Variants in CFAP20DC observed in about 807,000 individuals in gnomAD.
CFAP20DC encodes the protein protein CFAP20DC.
Under a neutral mutation model 101.7 loss-of-function variants are expected in CFAP20DC, and 84 were observed. The observed-to-expected ratio is 0.83, with a 90% CI of 0.69 to 0.99. The LOEUF (loss-of-function observed/expected upper bound fraction) is 0.99, where lower values mean the gene tolerates loss of function less well. Among genes scored for constraint, CFAP20DC ranks in the 50% least tolerant of loss-of-function variants. CFAP20DC has a pLI of 0.00. For synonymous variants in CFAP20DC, 359 were observed against 351.2 expected (o/e 1.02, Z -0.25); for missense variants, 1,007 against 970.3 (o/e 1.04, Z -0.50).
chr3:58,861,896 T>C lies in CFAP20DC; in HGVS notation c.1593+1662A>G. On this transcript the variant is annotated intron_variant, in intron 12 of 16. Coordinates refer to ENST00000482387, the MANE Select transcript of CFAP20DC (RefSeq NM_001394063.1). This position sits in a 1 kb window ranked among gnomAD's most constrained non-coding sequence, Gnocchi z 4.0. ...TGATAAATTTGTTTTCAATTTTATGTAGTTGGTAACAAATACACATCTGCA... is the reference window on the plus strand; with the variant it reads ...TGATAAATTTGTTTTCAATTTTATGCAGTTGGTAACAAATACACATCTGCA... 3.0e-6 allele frequency: 3 copies of C among 985,458 alleles called. No homozygotes were observed. Among genetic ancestry groups the C allele is most frequent in the Non-Finnish European group, 3.6e-6 (3 of 829,912 alleles). The allele number at this position is 985,458 out of a possible 1,614,324, so 61.0% of individuals were successfully genotyped here.
At chr3:58,916,531 GAT>G (rs1430445393) in intron 5 of CFAP20DC, among the ~76,000 whole-genome samples, 1 of 152,144 alleles carries the variant, frequency 6.6e-6, no homozygotes, top group African/African-American at 2.4e-5. Context: ...AACACATTAA[GAT>G]GTGTGTGTAT....
Position 58,926,174 on chromosome 3 carries a change from T to C in CFAP20DC, c.393+11474A>G, listed in dbSNP as rs560733862. Among the ~76,000 whole-genome samples the C allele has an allele frequency of 9.5e-4, 145 of 152,188 alleles. 1 individual carries two copies. Among genetic ancestry groups the C allele is most frequent in the Non-Finnish European group, 1.8e-3 (125 of 67,994 alleles). ...TGAGGTCAGGAGTTAGAGACCAGCC[T>C]GCCCAACATGGTGAAACCCTGTCTC... is the stretch of plus-strand genomic sequence containing the variant. On this transcript the variant is annotated intron_variant, in intron 5 of 16. Transcript: ENST00000482387.
chr3:58,961,936 A>T (rs2091173993), intron 4 of CFAP20DC, among the ~76,000 whole-genome samples: 1 of 152,112 alleles, frequency 6.6e-6, no homozygotes, highest in Non-Finnish European at 1.5e-5. Flanking sequence ...GTTTAACAAA[A>T]GGTTTGTAAG....
At chr3:58,939,365 G>T (rs2088176930) in intron 4 of CFAP20DC, among the ~76,000 whole-genome samples, 1 of 152,182 alleles carries the variant, frequency 6.6e-6, no homozygotes. Context: ...GGAACAAAAA[G>T]AGGGACTGCA....
intron 15 of CFAP20DC, among the ~76,000 whole-genome samples, chr3:58,758,532 C>CTTAT (rs61227170): frequency 0.026 from 3,951 of 151,716 alleles, 157 homozygotes; most frequent in African/African-American, 0.083. Flanking sequence ...GACTATAATC[C>CTTAT]TTATTTATTT....
intron 13 of CFAP20DC, among the ~76,000 whole-genome samples, chr3:58,834,475 T>C (rs2076605052): frequency 6.6e-6 from 1 of 152,216 alleles, no homozygotes; most frequent in Non-Finnish European, 1.5e-5. Context: ...GATTGAGTCA[T>C]TCATTCAATT....
chr3:58,761,501 G>C (rs1362342519), intron 15 of CFAP20DC, among the ~76,000 whole-genome samples: 1 of 152,056 alleles, frequency 6.6e-6, no homozygotes, highest in Non-Finnish European at 1.5e-5. Flanking sequence ...TGGATTCATT[G>C]ATTTTTTTGA....
rs367809680 is a variant in CFAP20DC, at chr3:58,870,425, C to A, written c.716-116G>T. On this transcript the variant is annotated intron_variant, in intron 7 of 16. Transcript: ENST00000482387. ...CCATAGGATCCAAATCCCCCCTCCCCCCTCAGCATGTATTAAAAACACAGA... is the reference window on the plus strand; with the variant it reads ...CCATAGGATCCAAATCCCCCCTCCCACCTCAGCATGTATTAAAAACACAGA... The A allele has an allele frequency of 4.2e-6, 4 of 951,492 alleles. No individual in the cohort carries two copies. In the East Asian group the frequency reaches 9.8e-5, roughly 23 times the overall value. The allele number at this position is 951,492 out of a possible 1,614,324, so 58.9% of individuals were successfully genotyped here. A position where few individuals can be genotyped will look rare whatever the true frequency, so the allele number is the denominator to read the frequency against.
rs867930544 is a variant in CFAP20DC, at chr3:58,874,750, T to C, written c.716-4441A>G. ...AGGCTCTTCCATAAATTTTCCCTCA[T>C]AGAACTTGTCAGAATTGAACTTTTA... On this transcript the variant is annotated intron_variant, in intron 7 of 16. Transcript: ENST00000482387. The surrounding 1 kb of genome is among the most constrained non-coding windows in gnomAD (Gnocchi z 5.1). Among the ~76,000 whole-genome samples the C allele has an allele frequency of 6.6e-6, 1 of 152,332 alleles. No individual in the cohort carries two copies. The highest frequency in any genetic ancestry group is 1.9e-4 in the East Asian group (1 of 5,192).
At chr3:58,735,522 C>A (rs775805969) in intron 3 of CFAP20DC, among the ~76,000 whole-genome samples, 1 of 152,132 alleles carries the variant, frequency 6.6e-6, no homozygotes, top group Non-Finnish European at 1.5e-5. Context: ...TCTGGCACCA[C>A]AGGAAGTGAA....
chr3:58,760,570 T>G (rs545427444), intron 15 of CFAP20DC, among the ~76,000 whole-genome samples: 1 of 152,280 alleles, frequency 6.6e-6, no homozygotes, highest in Non-Finnish European at 1.5e-5. Context: ...TCCAACACTA[T>G]GTTGAATAGG....
At chr3:59,030,834 T>C (rs540765688) in intron 4 of CFAP20DC, among the ~76,000 whole-genome samples, 23 of 151,962 alleles carry the variant, frequency 1.5e-4, no homozygotes, top group Non-Finnish European at 3.2e-4. Flanking sequence ...TTTGTTTTTG[T>C]TTTTTTTGAG....
chr3:58,922,530 C>T (rs1240805768), intron 5 of CFAP20DC, among the ~76,000 whole-genome samples: 1 of 152,134 alleles, frequency 6.6e-6, no homozygotes, highest in Non-Finnish European at 1.5e-5. Flanking sequence ...CTCATGAGAA[C>T]TGGTTGATGA....
intron 6 of CFAP20DC, among the ~76,000 whole-genome samples, chr3:58,909,273 T>G (rs918788829): frequency 1.7e-4 from 26 of 152,120 alleles, no homozygotes; most frequent in African/African-American, 5.1e-4. Context: ...TGATGAAAAC[T>G]CTATACTGTC....
chr3:58,779,454 G>A (rs1346262962), intron 15 of CFAP20DC, among the ~76,000 whole-genome samples: 1 of 152,154 alleles, frequency 6.6e-6, no homozygotes, highest in South Asian at 2.1e-4. Flanking sequence ...AATTCAGCTA[G>A]AGGATACAAC....
chr3:58,985,536 C>T (rs1328463722), intron 4 of CFAP20DC, among the ~76,000 whole-genome samples: 1 of 152,184 alleles, frequency 6.6e-6, no homozygotes, highest in African/African-American at 2.4e-5. Flanking sequence ...CCTATTTCTT[C>T]AGATCCATCT....
At chr3:58,754,257 A>C (rs1163524420) in intron 15 of CFAP20DC, among the ~76,000 whole-genome samples, 2 of 152,128 alleles carry the variant, frequency 1.3e-5, no homozygotes, top group African/African-American at 4.8e-5. Context: ...GGATGGTCAC[A>C]CTCCACAAGG....
Position 58,868,704 on chromosome 3 carries a change from T to C in CFAP20DC, c.1015+624A>G, listed in dbSNP as rs1349250682. 2.0e-5 allele frequency among the ~76,000 whole-genome samples: 3 copies of C among 152,206 alleles called. No homozygotes were observed. The highest frequency in any genetic ancestry group is 4.4e-5 in the Non-Finnish European group (3 of 68,000). On this transcript the variant is annotated intron_variant, in intron 9 of 16. Transcript: ENST00000482387. The surrounding 1 kb of genome is among the most constrained non-coding windows in gnomAD (Gnocchi z 4.6). ...GGGAAATTTTCTGTGACAGTGATCA[T>C]TAATTTGTAAATAATATAAAATGAA... is the stretch of plus-strand genomic sequence containing the variant.
chr3:58,973,596 A>C (rs992265708), intron 4 of CFAP20DC, among the ~76,000 whole-genome samples: 2 of 152,200 alleles, frequency 1.3e-5, no homozygotes, highest in Non-Finnish European at 2.9e-5. Context: ...TTCCTAGCTA[A>C]AAAGGACTAG....
Sources: allele counts gnomAD v4.1 joint callset (sites outside exome capture counted in the v4.1 genomes callset), GRCh38; gene constraint gnomAD v4.1.1; non-coding constraint Gnocchi (gnomAD v3.1); transcripts MANE v1.5; gene names NCBI Gene and HGNC (gene_info 2026-07-23, HGNC 2026-07-21).